IRS1: variants seen among roughly 807,000 people sequenced by gnomAD.
The protein encoded by IRS1 is insulin receptor substrate 1.
In IRS1, 34 loss-of-function variants were observed where a neutral mutation model predicts 65.6. That is an observed-to-expected ratio of 0.52 (90% confidence interval 0.39 to 0.69). IRS1 has a LOEUF of 0.69. Ranked by LOEUF, IRS1 falls within the 30% of genes least tolerant of loss-of-function variation. The pLI, the probability that IRS1 is intolerant of heterozygous loss-of-function variation, is 0.00. For synonymous variants in IRS1, 699 were observed against 683.5 expected, an observed-to-expected ratio of 1.02 and a Z score of -0.35; for missense variants, 1,641 against 1,720.2, an observed-to-expected ratio of 0.95 and a Z score of 0.81.
At chr2:226,757,440 A>G (rs1412472832) in intron 1 of IRS1, among the ~76,000 whole-genome samples, 1 of 151,560 alleles carries the variant, frequency 6.6e-6, no homozygotes, top group Non-Finnish European at 1.5e-5. Flanking sequence ...CATGGTAAAA[A>G]CCAATCTCTA....
Position 226,794,849 on chromosome 2 carries a change from C to A in IRS1, c.*21+140G>T. 1 of 791,864 alleles carries A rather than the reference C, an allele frequency of 1.3e-6. No individual in the cohort carries two copies. The highest frequency in any genetic ancestry group is 2.2e-6 in the Non-Finnish European group (1 of 458,168). The allele number at this position is 791,864 out of a possible 1,614,324, so 49.1% of individuals were successfully genotyped here. ...CCAGATGTCAGTGTGGGGTGAGCAT[C>A]TTGTGTGCCCTGAGAATGTAAGTGC... On this transcript the variant is annotated intron_variant, in intron 1 of 1. Coordinates refer to ENST00000305123, the MANE Select transcript of IRS1 (RefSeq NM_005544.3). This position sits in a 1 kb window ranked among gnomAD's most constrained non-coding sequence, Gnocchi z 4.1.
intron 1 of IRS1, among the ~76,000 whole-genome samples, chr2:226,766,147 A>T (rs1559151982): frequency 0.02 from 77 of 3,868 alleles, 7 homozygotes; most frequent in Middle Eastern, 0.25. Context: ...ATATATATAT[A>T]TATATATATA....
At chr2:226,788,938 A>T (rs947920557) in intron 1 of IRS1, among the ~76,000 whole-genome samples, 2 of 152,224 alleles carry the variant, frequency 1.3e-5, no homozygotes, top group African/African-American at 2.4e-5. Context: ...TAGAGGCAGG[A>T]TCTATTATTT....
At chr2:226,736,790 T>C (rs1450510633) in intron 1 of IRS1, among the ~76,000 whole-genome samples, 1 of 152,168 alleles carries the variant, frequency 6.6e-6, no homozygotes, top group Non-Finnish European at 1.5e-5. Flanking sequence ...TACTGAATCA[T>C]TAAATAAGAA....
At position 226,748,619 on chromosome 2, in the gene IRS1, AC is replaced by A. The variant is rs371197556; in HGVS notation, c.*22-12370del. 2.0e-5 allele frequency among the ~76,000 whole-genome samples: 3 copies of A among 152,194 alleles called. No homozygotes were observed. The East Asian group carries it at 5.8e-4, about 29-fold the overall frequency. On this transcript the variant is annotated intron_variant, in intron 1 of 1. Transcript: ENST00000305123. ...TCCCTACTTTATAAGATAAATATCC[AC>A]ACCTCGGAAGATAATTTATGATCAA...
intron 1 of IRS1, among the ~76,000 whole-genome samples, chr2:226,788,235 T>C (rs1308519954): frequency 1.6e-4 from 24 of 152,122 alleles, no homozygotes; most frequent in Admixed American, 1.6e-3. Context: ...ATACAATGAA[T>C]GCAATCCAAC....
intron 1 of IRS1, among the ~76,000 whole-genome samples, chr2:226,778,820 A>T (rs1357062158): frequency 6.6e-6 from 1 of 152,192 alleles, no homozygotes; most frequent in Non-Finnish European, 1.5e-5. Context: ...CCTGTTCCAG[A>T]TCTCGACTTT....
rs1938290451 is a variant in IRS1 at position 226,734,503 on chromosome 2, A to G, written c.*1769T>C. 6.6e-6 allele frequency: 1 copy of G among 152,208 alleles called. No individual in the cohort carries two copies. Among genetic ancestry groups the G allele is most frequent in the South Asian group, 2.1e-4 (1 of 4,822 alleles). The allele number at this position is 152,208 out of a possible 1,614,324, so 9.4% of individuals were successfully genotyped here. A position where few individuals can be genotyped will look rare whatever the true frequency, so the allele number is the denominator to read the frequency against. On this transcript the variant is annotated 3_prime_UTR_variant, in exon 2 of 2. Coordinates refer to ENST00000305123, the MANE Select transcript of IRS1 (RefSeq NM_005544.3). The stretch of plus-strand genomic sequence containing the variant: ...TTTTGAGTAGAGCTGGGGTCCCCAA[A>G]CAGTTCATCAGGAGGCAGCAGCCAC...
chr2:226,758,909 A>C (rs1252143697), intron 1 of IRS1, among the ~76,000 whole-genome samples: 1 of 152,242 alleles, frequency 6.6e-6, no homozygotes, highest in Non-Finnish European at 1.5e-5. Context: ...ACTGTCTTTC[A>C]AGACCTTCTT....
intron 1 of IRS1, among the ~76,000 whole-genome samples, chr2:226,793,496 T>C (rs1939650096): frequency 1.3e-5 from 2 of 152,236 alleles, no homozygotes; most frequent in African/African-American, 4.8e-5. Context: ...TAAATGCTTT[T>C]TGTAACATAT....
intron 1 of IRS1, among the ~76,000 whole-genome samples, chr2:226,762,252 T>A (rs1035710066): frequency 2.0e-5 from 3 of 152,094 alleles, no homozygotes; most frequent in African/African-American, 7.2e-5. Flanking sequence ...GCCAGAATTC[T>A]TTGGGAAGTT....
chr2:226,793,121 T>G (rs1489562746), intron 1 of IRS1, among the ~76,000 whole-genome samples: 1 of 152,240 alleles, frequency 6.6e-6, no homozygotes, highest in African/African-American at 2.4e-5. Flanking sequence ...TAGGAGAATT[T>G]TATTTTAAAG....
chr2:226,798,337 G>C lies in IRS1; in HGVS notation c.402C>G (p.Gly134=). 6.2e-7 allele frequency: 1 copy of C among 1,613,372 alleles called. No homozygotes were observed. The highest frequency in any genetic ancestry group is 2.2e-5 in the East Asian group (1 of 44,866). Residue 134 remains glycine (G), a synonymous_variant, in exon 1 of 2, where the codon GGC becomes GGG. Coordinates refer to ENST00000305123, the MANE Select transcript of IRS1 (RefSeq NM_005544.3). This position sits in a 1 kb window ranked among gnomAD's most constrained non-coding sequence, Gnocchi z 9.4. ...CAAGGCCGGAGCTGCCGCTGCAGCT[G>C]CCCCCACCACCTCCCGCCCCGAGGG... ...AAALGAGGGG[G]SCSGSSGLGE... is the part of the protein sequence containing the mutation.
Position 226,796,001 on chromosome 2 carries a change from A to C in IRS1, c.2738T>G (p.Val913Gly). 6.2e-7 allele frequency: 1 copy of C among 1,614,168 alleles called. No homozygotes were observed. Among genetic ancestry groups the C allele is most frequent in the Non-Finnish European group, 8.5e-7 (1 of 1,180,040 alleles). The change falls in exon 1 of 2, where the codon GTG becomes GGG. Residue 913 changes from valine to glycine, a missense_variant. By Grantham distance (109) the Val-to-Gly change is moderately radical. This residue lies in a region of IRS1 where 1,324 missense variants were observed against 1,361.0 expected (regional missense o/e 0.97). Transcript: ENST00000305123. Reference protein sequence around the residue: ...SDQSGYLSGPVAFHSSPSVRC... With the variant: ...SDQSGYLSGPGAFHSSPSVRC... ...GACAGAAGGTGAGCTGTGGAAAGCC[A>C]CCGGGCCAGACAAGTAGCCAGACTG...
chr2:226,792,409 A>AC (rs1419212156), intron 1 of IRS1: 1 of 152,362 alleles, frequency 6.6e-6, no homozygotes, highest in Non-Finnish European at 1.5e-5. Flanking sequence ...AAAGAAAAAA[A>AC]GGATAATGTC....
rs769109350 is a variant in IRS1 at position 226,799,365 on chromosome 2, TTGCTGCTGCTGCTGC to T, written c.-642_-628del. 1 of 1,239,802 alleles carries T rather than the reference TTGCTGCTGCTGCTGC, an allele frequency of 8.1e-7. No homozygotes were observed. Among genetic ancestry groups the T allele is most frequent in the Non-Finnish European group, 1.0e-6 (1 of 960,776 alleles). 76.8% of individuals were successfully genotyped at this position (1,239,802 alleles called of 1,614,324 possible). A position where few individuals can be genotyped will look rare whatever the true frequency, so the allele number is the denominator to read the frequency against. ...GACCGCGGCGCTGCGGCTGTTGCTGTTGCTGCTGCTGCTGCTGCTGCTGCTGCCGCCGCCCGCGGG... is the reference window on the plus strand; with the variant it reads ...GACCGCGGCGCTGCGGCTGTTGCTGTTGCTGCTGCTGCCGCCGCCCGCGGG... On this transcript the variant is annotated 5_prime_UTR_variant, in exon 1 of 2. Coordinates refer to ENST00000305123, the MANE Select transcript of IRS1 (RefSeq NM_005544.3). The surrounding 1 kb of genome is among the most constrained non-coding windows in gnomAD (Gnocchi z 6.1).
intron 1 of IRS1, among the ~76,000 whole-genome samples, chr2:226,789,461 A>C (rs900556423): frequency 6.6e-6 from 1 of 152,240 alleles, no homozygotes; most frequent in African/African-American, 2.4e-5. Flanking sequence ...GAGTTGTTTC[A>C]TACACCTAAG....
At chr2:226,739,454 A>C (rs1192954472) in intron 1 of IRS1, among the ~76,000 whole-genome samples, 2 of 152,302 alleles carry the variant, frequency 1.3e-5, no homozygotes, top group South Asian at 4.1e-4. Flanking sequence ...ATTCTTTTGA[A>C]TAGTCTCTAT....
intron 1 of IRS1, among the ~76,000 whole-genome samples, chr2:226,751,272 G>GTTTTTTTT (rs1559148793): frequency 5.0e-5 from 6 of 120,656 alleles, no homozygotes; most frequent in East Asian, 5.6e-4. Flanking sequence ...CTCCACACGG[G>GTTTTTTTT]TATTTTTTTT....
Sources: gnomAD v4.1 joint callset for allele counts (sites outside exome capture counted in the v4.1 genomes callset) on GRCh38, gnomAD v4.1.1 for gene constraint, gnomAD v4.1.1 regional missense constraint, Gnocchi (gnomAD v3.1) non-coding constraint, MANE v1.5 for transcripts, NCBI Gene and HGNC (gene_info 2026-07-23, HGNC 2026-07-21) for gene names.